The following SND1 variants were observed in gnomAD, a reference collection of about 807,000 sequenced individuals.
SND1 encodes staphylococcal nuclease domain-containing protein 1.
A neutral mutation model predicts 121.7 loss-of-function variants in SND1; 38 were observed. The ratio of observed to expected loss-of-function variants is 0.31; its 90% CI spans 0.24 to 0.41. SND1 has a LOEUF of 0.41. Ranked by LOEUF, SND1 falls within the 10% of genes least tolerant of loss-of-function variation. The probability of loss-of-function intolerance (pLI) is 1.00; values close to 1 mark genes in which losing one functional copy is unlikely to be tolerated. For synonymous variants in SND1, 401 were observed against 447.4 expected (o/e 0.90, Z 1.31); for missense variants, 868 against 1,184.6 (o/e 0.73, Z 3.92).
chr7:127,850,854 G>A (rs1334205066), intron 12 of SND1, among the ~76,000 whole-genome samples: 2 of 152,148 alleles, frequency 1.3e-5, no homozygotes, highest in Non-Finnish European at 2.9e-5. Flanking sequence ...AGAAGTAGTT[G>A]AATAACTAGG....
chr7:128,028,342 CTCTT>C (rs1803538843), intron 16 of SND1: 1 of 216,732 alleles, frequency 4.6e-6, no homozygotes, highest in Admixed American at 5.2e-5. Context: ...CACACCCTAC[CTCTT>C]TAAGGATGTT....
At chr7:127,953,152 G>C (rs1007146779) in intron 15 of SND1, among the ~76,000 whole-genome samples, 69 of 934 alleles carry the variant, frequency 0.074, no homozygotes, top group South Asian at 0.15. Flanking sequence ...TGACAAGACC[G>C]TGTGTGTGTG....
chr7:128,017,740 G>A (rs17733988), intron 16 of SND1, among the ~76,000 whole-genome samples: 16,947 of 152,282 alleles, frequency 0.11, 1,214 homozygotes, highest in Admixed American at 0.22. Flanking sequence ...CTGCAGCAGC[G>A]AAGCCTGAAC....
intron 17 of SND1, among the ~76,000 whole-genome samples, chr7:128,078,996 G>A (rs1467786825): frequency 6.6e-6 from 1 of 152,246 alleles, no homozygotes; most frequent in African/African-American, 2.4e-5. Flanking sequence ...TAGGAATGAG[G>A]GAGCAGACTC....
At chr7:128,046,535 T>C (rs1792952176) in intron 16 of SND1, among the ~76,000 whole-genome samples, 1 of 151,910 alleles carries the variant, frequency 6.6e-6, no homozygotes. Flanking sequence ...AGCTCATTTT[T>C]ATATTTTTAG....
In SND1 at chr7:128,032,196, C is replaced by A. The variant is rs534372560; in HGVS notation, c.1779+41140C>A. The A allele has an allele frequency of 7.2e-5, 11 of 151,862 alleles. No homozygotes were observed. The East Asian group carries it at 2.2e-3, about 30-fold the overall frequency. 9.4% of individuals were successfully genotyped at this position (151,862 alleles called of 1,614,324 possible). ...CGCTCCCCCTCCGTCGCCTGCCTCG[C>A]GGGGTTAACGCCGGCGCCTTCCAGC... On this transcript the variant is annotated intron_variant, in intron 16 of 23. Transcript: ENST00000354725.
intron 15 of SND1, among the ~76,000 whole-genome samples, chr7:127,950,635 T>TA (rs1462732003): frequency 6.6e-6 from 1 of 152,232 alleles, no homozygotes; most frequent in Non-Finnish European, 1.5e-5. Context: ...ACAGTCCTGT[T>TA]ACATTCCCTC....
In SND1 at chr7:128,052,996, A is replaced by G. The variant is rs1465764153; in HGVS notation, c.1780-21506A>G. 1.3e-5 allele frequency among the ~76,000 whole-genome samples: 2 copies of G among 152,230 alleles called. No homozygotes were observed. Among genetic ancestry groups the G allele is most frequent in the African/African-American group, 4.8e-5 (2 of 41,448 alleles). On this transcript the variant is annotated intron_variant, in intron 16 of 23. Coordinates refer to ENST00000354725, the MANE Select transcript of SND1 (RefSeq NM_014390.4). The surrounding 1 kb of genome is among the most constrained non-coding windows in gnomAD (Gnocchi z 4.6). ...TGGTTGGTATAAAAATAGAGCATAA[A>G]TCAAATGCATTGAATAAAAAAATTT...
intron 1 of SND1, among the ~76,000 whole-genome samples, chr7:127,676,243 T>A (rs1361185250): frequency 3.3e-5 from 5 of 152,056 alleles, no homozygotes; most frequent in Admixed American, 3.3e-4. Context: ...CAGGGCATTG[T>A]TGTGAGGATG....
At chr7:127,731,326 C>CT (rs1796672435) in intron 10 of SND1, among the ~76,000 whole-genome samples, 1 of 152,220 alleles carries the variant, frequency 6.6e-6, no homozygotes, top group Non-Finnish European at 1.5e-5. Context: ...CCAGTTTGTA[C>CT]TTTAAGAGGA....
chr7:128,081,579 AG>A (rs1282044720), intron 18 of SND1, 78 bp downstream of exon 18: 4 of 1,545,308 alleles, frequency 2.6e-6, no homozygotes, highest in Admixed American at 1.7e-5. Context: ...GCCTCTGCCC[AG>A]TGGGTGGGAG....
rs188352431 is a variant in SND1, at chr7:127,667,241, A to G, written c.78+14790A>G. ...AGTAATACTGAGTATTATACTTAAC[A>G]TCACTATTTCTATAGGTCAAGTTTA... On this transcript the variant is annotated intron_variant, in intron 1 of 23. Coordinates refer to ENST00000354725, the MANE Select transcript of SND1 (RefSeq NM_014390.4). Among the ~76,000 whole-genome samples, 9 of 152,304 alleles carry G rather than the reference A, an allele frequency of 5.9e-5. No homozygotes were observed. The East Asian group carries it at 1.7e-3, about 29-fold the overall frequency.
chr7:127,928,617 C>T (rs997889416), intron 14 of SND1, among the ~76,000 whole-genome samples: 2 of 149,620 alleles, frequency 1.3e-5, no homozygotes, highest in African/African-American at 2.5e-5. Flanking sequence ...GAAAGAGTTT[C>T]GCTCTTGTTG....
intron 14 of SND1, among the ~76,000 whole-genome samples, chr7:127,912,454 T>C (rs1584661415): frequency 6.6e-6 from 1 of 152,296 alleles, no homozygotes; most frequent in Middle Eastern, 3.4e-3. Context: ...TAAATAGAGA[T>C]GTAGAAATGT....
chr7:127,678,602 AAAAC>A (rs529493212), intron 1 of SND1, among the ~76,000 whole-genome samples: 381 of 152,312 alleles, frequency 2.5e-3, no homozygotes, highest in Non-Finnish European at 4.6e-3. Context: ...ACACACACAC[AAAAC>A]AAACAAAAAA....
At chr7:127,694,364 G>A (rs531121117) in intron 2 of SND1, among the ~76,000 whole-genome samples, 2 of 152,310 alleles carry the variant, frequency 1.3e-5, no homozygotes, top group South Asian at 2.1e-4. Context: ...GCGGAGAAAT[G>A]GAGGTGGTAG....
chr7:127,807,979 A>C (rs1331694078), intron 11 of SND1, among the ~76,000 whole-genome samples: 1 of 152,098 alleles, frequency 6.6e-6, no homozygotes, highest in African/African-American at 2.4e-5. Context: ...TAGGCTGGCT[A>C]TAAGGGGAAG....
rs185710086 is a variant in SND1, at chr7:127,852,767, C to T, written c.1343+8343C>T. ...CGGAGGTTGCAGTGAGCCGAGAACA[C>T]GCCACTGCACTCTAGCCTGGGTGAC... is the stretch of plus-strand genomic sequence containing the variant. On this transcript the variant is annotated intron_variant, in intron 12 of 23. Transcript: ENST00000354725. 1.8e-3 allele frequency among the ~76,000 whole-genome samples: 279 copies of T among 151,554 alleles called. 1 individual carries two copies. Among genetic ancestry groups the T allele is most frequent in the African/African-American group, 6.1e-3 (253 of 41,310 alleles).
At chr7:127,728,679 A>G (rs1375432121) in intron 10 of SND1, among the ~76,000 whole-genome samples, 3 of 152,362 alleles carry the variant, frequency 2.0e-5, no homozygotes, top group South Asian at 2.1e-4. Context: ...TCCCAGCTTC[A>G]TATCCCTTCT....
Sources: allele counts gnomAD v4.1 joint callset (sites outside exome capture counted in the v4.1 genomes callset), GRCh38; gene constraint gnomAD v4.1.1; non-coding constraint Gnocchi (gnomAD v3.1); transcripts MANE v1.5; gene names NCBI Gene and HGNC (gene_info 2026-07-23, HGNC 2026-07-21).